Variants in DTNA observed in about 807,000 individuals in gnomAD.
DTNA encodes the protein dystrophin-related protein 3.
In DTNA, 43 loss-of-function variants were observed where a neutral mutation model predicts 100.7. The ratio of observed to expected loss-of-function variants is 0.43; its 90% confidence interval spans 0.33 to 0.55. The LOEUF is 0.55. DTNA is among the 20% of genes least tolerant of loss of function. The pLI is 0.04. For synonymous variants in DTNA, 349 were observed against 347.9 expected, an observed-to-expected ratio of 1.00 and a Z score of -0.04; for missense variants, 798 against 953.9, an observed-to-expected ratio of 0.84 and a Z score of 2.15.
intron 1 of DTNA, among the ~76,000 whole-genome samples, chr18:34,578,824 A>G (rs28855485): frequency 0.1 from 15,622 of 152,042 alleles, 1,153 homozygotes; most frequent in African/African-American, 0.21. Context: ...CCATTGGTCT[A>G]TGTGCCTATT....
chr18:34,617,232 A>G (rs1290550013), intron 1 of DTNA, among the ~76,000 whole-genome samples: 2 of 152,150 alleles, frequency 1.3e-5, no homozygotes, highest in East Asian at 3.9e-4. Context: ...GCTTTTGCCC[A>G]TTCAGTATGA....
chr18:34,613,023 G>A (rs1265918337), intron 1 of DTNA, among the ~76,000 whole-genome samples: 1 of 152,126 alleles, frequency 6.6e-6, no homozygotes, highest in Non-Finnish European at 1.5e-5. Flanking sequence ...CCTGCCTCAA[G>A]CAAGTCTATC....
At chr18:34,542,395 A>G (rs191734156) in intron 1 of DTNA, among the ~76,000 whole-genome samples, 41 of 152,094 alleles carry the variant, frequency 2.7e-4, no homozygotes, top group Admixed American at 1.8e-3. Context: ...AATTTGGATC[A>G]ATGTGTGTGG....
chr18:34,877,598 A>G (rs536657454), intron 18 of DTNA, 121 bp from the exon 19 acceptor site: 1 of 799,172 alleles, frequency 1.3e-6, no homozygotes, highest in East Asian at 2.8e-5. Flanking sequence ...GCACTTCTGA[A>G]AAGGAGAAGT....
chr18:34,767,360 A>G (rs1334922945), intron 3 of DTNA, among the ~76,000 whole-genome samples: 1 of 152,138 alleles, frequency 6.6e-6, no homozygotes, highest in Admixed American at 6.5e-5. Flanking sequence ...GTACGCATCT[A>G]TTCCTCAAGT....
chr18:34,675,444 AT>A (rs1390021374), intron 1 of DTNA, among the ~76,000 whole-genome samples: 2 of 152,070 alleles, frequency 1.3e-5, no homozygotes, highest in Non-Finnish European at 2.9e-5. Context: ...GATTCCTTAT[AT>A]TTTTAGGGTG....
chr18:34,875,451 C>T (rs1215713778), intron 18 of DTNA, 53 bp downstream of exon 18: 2 of 1,611,762 alleles, frequency 1.2e-6, no homozygotes, highest in Non-Finnish European at 1.7e-6. Flanking sequence ...AAATAGGTCA[C>T]CAAGGTCTAT....
intron 1 of DTNA, among the ~76,000 whole-genome samples, chr18:34,755,127 G>T (rs879683058): frequency 6.6e-6 from 1 of 152,182 alleles, no homozygotes; most frequent in South Asian, 2.1e-4. Flanking sequence ...TTTGGTTTTT[G>T]AAAGTTTAAT....
rs374164372 is a variant in DTNA at position 34,828,388 on chromosome 18, G to A, written c.1085+712G>A. ...TTATAAATACATGGAGAAGGCTCAC[G>A]GGAAAGCAAAAACAAAGGTAAGGAA... On this transcript the variant is annotated intron_variant, in intron 10 of 22. Transcript: ENST00000444659. Among the ~76,000 whole-genome samples the A allele has an allele frequency of 5.9e-5, 9 of 152,106 alleles. No homozygotes were observed. In the East Asian group the frequency reaches 9.6e-4, roughly 16 times the overall value.
intron 1 of DTNA, among the ~76,000 whole-genome samples, chr18:34,667,466 A>T (rs376770765): frequency 2.0e-5 from 3 of 151,950 alleles, no homozygotes; most frequent in African/African-American, 4.8e-5. Context: ...CTATGTTGAA[A>T]AGGAGTGGTG....
At chr18:34,758,274 C>A (rs1216032515) in intron 2 of DTNA, among the ~76,000 whole-genome samples, 1 of 152,168 alleles carries the variant, frequency 6.6e-6, no homozygotes, top group Non-Finnish European at 1.5e-5. Context: ...ACTTGTAAAT[C>A]TTCTCATCTA....
At chr18:34,608,871 A>T (rs17556016) in intron 1 of DTNA, among the ~76,000 whole-genome samples, 9,960 of 152,236 alleles carry the variant, frequency 0.065, 401 homozygotes, top group Non-Finnish European at 0.074. Context: ...TATAGCCAAG[A>T]TACCTTCTCT....
At chr18:34,542,147 G>T (rs1412176542) in intron 1 of DTNA, among the ~76,000 whole-genome samples, 1 of 151,952 alleles carries the variant, frequency 6.6e-6, no homozygotes, top group Non-Finnish European at 1.5e-5. Context: ...GTACTAAGTT[G>T]TTCCATTTTT....
chr18:34,731,447 C>CCGCA (rs1266001804), intron 1 of DTNA, among the ~76,000 whole-genome samples: 3 of 151,904 alleles, frequency 2.0e-5, no homozygotes, highest in Non-Finnish European at 4.4e-5. Context: ...CCACTGCAGT[C>CCGCA]CGCAGTCCAG....
At chr18:34,852,988 T>C (rs1277561002) in intron 15 of DTNA, among the ~76,000 whole-genome samples, 1 of 152,154 alleles carries the variant, frequency 6.6e-6, no homozygotes, top group Non-Finnish European at 1.5e-5. Context: ...CGGAAGTTCT[T>C]TGAGAACAGA....
At chr18:34,588,715 T>A (rs1235708674) in intron 1 of DTNA, among the ~76,000 whole-genome samples, 1 of 129,332 alleles carries the variant, frequency 7.7e-6, no homozygotes, top group African/African-American at 3.4e-5. Flanking sequence ...GTGTAGATTA[T>A]GAAGGTAAAA....
upstream of DTNA, among the ~76,000 whole-genome samples, chr18:34,706,195 G>A (rs568503266): frequency 2.0e-5 from 3 of 152,084 alleles, no homozygotes; most frequent in Non-Finnish European, 2.9e-5. Context: ...TGATCCACTC[G>A]CCTCGGCCTC....
chr18:34,619,397 T>A (rs757217956), intron 1 of DTNA, among the ~76,000 whole-genome samples: 1 of 151,954 alleles, frequency 6.6e-6, no homozygotes, highest in Non-Finnish European at 1.5e-5. Context: ...GCAGAGAACC[T>A]CAAACCAGGA....
chr18:34,848,631 C>G (rs1182939085), intron 14 of DTNA, among the ~76,000 whole-genome samples: 2 of 151,904 alleles, frequency 1.3e-5, no homozygotes, highest in Non-Finnish European at 2.9e-5. Context: ...CTCGCATCCC[C>G]CTTCATTCAG....
Sources: allele counts gnomAD v4.1 joint callset (sites outside exome capture counted in the v4.1 genomes callset), GRCh38; gene constraint gnomAD v4.1.1; transcripts MANE v1.5; gene names NCBI Gene and HGNC (gene_info 2026-07-23, HGNC 2026-07-21).